The following LRRC28 variants were observed in gnomAD, a reference collection of about 807,000 sequenced individuals.
LRRC28 encodes leucine rich repeat containing 28, also known as leucine-rich repeat-containing protein 28.
Under a neutral mutation model 45.7 loss-of-function variants are expected in LRRC28, and 39 were observed. That is an observed-to-expected ratio of 0.85 (90% CI 0.66 to 1.12). LRRC28 has a LOEUF of 1.12. LRRC28 is among the 50% of genes most tolerant of loss of function. The pLI is 0.00. For missense variants in LRRC28, 435 were observed against 438.5 expected (o/e 0.99, Z 0.07); for synonymous variants, 206 against 178.8 (o/e 1.15, Z -1.22).
chr15:99,256,104 A>G lies in LRRC28; in HGVS notation c.147A>G (p.Lys49=). ...AGTACTTGGAGAGACTCTATATGAA[A>G]AGGAACTCCCTGACATCCTTGGTAC... ...GLQYLERLYM[K]RNSLTSLPEN... Residue 49 remains lysine (K), a synonymous_variant, in exon 2 of 10, where the codon AAA becomes AAG. Transcript: ENST00000301981. 2.5e-6 allele frequency: 4 copies of G among 1,610,948 alleles called. No individual in the cohort carries two copies. The highest frequency in any genetic ancestry group is 1.3e-5 in the African/African-American group (1 of 74,772).
At chr15:99,322,049 G>A (rs1017010938) in intron 5 of LRRC28, among the ~76,000 whole-genome samples, 3 of 152,166 alleles carry the variant, frequency 2.0e-5, no homozygotes, top group Non-Finnish European at 4.4e-5. Context: ...TTGGGAAGGA[G>A]CATTCCTGAC....
intron 2 of LRRC28, chr15:99,258,136 C>T (rs896395677): frequency 1.3e-5 from 21 of 1,609,644 alleles, no homozygotes; most frequent in African/African-American, 6.7e-5. Flanking sequence ...CTTGAACAAA[C>T]GAGTTTTTAA....
chr15:99,321,613 G>C (rs1955800377), intron 5 of LRRC28, among the ~76,000 whole-genome samples: 1 of 152,114 alleles, frequency 6.6e-6, no homozygotes, highest in Admixed American at 6.6e-5. Context: ...TTCCTCAAAA[G>C]TCCACAACTG....
intron 1 of LRRC28, among the ~76,000 whole-genome samples, chr15:99,253,921 C>T (rs1001969483): frequency 6.6e-6 from 1 of 152,230 alleles, no homozygotes; most frequent in Non-Finnish European, 1.5e-5. Flanking sequence ...TCATTCATGA[C>T]TTCCTGCTTC....
intron 5 of LRRC28, among the ~76,000 whole-genome samples, chr15:99,313,835 T>G (rs1297510446): frequency 1.3e-5 from 2 of 152,158 alleles, no homozygotes; most frequent in Non-Finnish European, 2.9e-5. Flanking sequence ...GAGGGTGCTC[T>G]CTCTGGTAGC....
chr15:99,307,987 C>T (rs78943897), intron 5 of LRRC28, among the ~76,000 whole-genome samples: 6 of 152,268 alleles, frequency 3.9e-5, no homozygotes, highest in South Asian at 2.1e-4. Context: ...AAAACTTAAA[C>T]GAGGCGCCGA....
At chr15:99,336,073 T>A (rs1350632918) in intron 6 of LRRC28, among the ~76,000 whole-genome samples, 2 of 152,212 alleles carry the variant, frequency 1.3e-5, no homozygotes, top group African/African-American at 4.8e-5. Context: ...AGACAATATA[T>A]GTAAAAAGGA....
intron 6 of LRRC28, among the ~76,000 whole-genome samples, chr15:99,345,340 C>T (rs1956645325): frequency 2.0e-5 from 3 of 152,122 alleles, no homozygotes; most frequent in African/African-American, 7.2e-5. Context: ...AGATCATTTG[C>T]ATTTTATCAA....
At chr15:99,312,554 AAAAT>A (rs1274804684) in intron 5 of LRRC28, among the ~76,000 whole-genome samples, 1 of 152,208 alleles carries the variant, frequency 6.6e-6, no homozygotes, top group Non-Finnish European at 1.5e-5. Flanking sequence ...AGTACACTCT[AAAAT>A]AAAAAGTATA....
intron 9 of LRRC28, among the ~76,000 whole-genome samples, chr15:99,379,832 T>C (rs1481732796): frequency 1.3e-5 from 2 of 152,262 alleles, no homozygotes; most frequent in Non-Finnish European, 2.9e-5. Context: ...TTGTTCAGTT[T>C]CCATGTAGTT....
rs1185087359 is a variant in LRRC28, at chr15:99,389,770, T to TCAAA, written c.*3673_*3676dup. 1 of 152,190 alleles carries TCAAA rather than the reference T, an allele frequency of 6.6e-6. No homozygotes were observed. Among genetic ancestry groups the TCAAA allele is most frequent in the South Asian group, 2.1e-4 (1 of 4,822 alleles). 9.4% of individuals were successfully genotyped at this position (152,190 alleles called of 1,614,324 possible). A position where few individuals can be genotyped will look rare whatever the true frequency, so the allele number is the denominator to read the frequency against. On this transcript the variant is annotated 3_prime_UTR_variant, in exon 10 of 10. Transcript: ENST00000301981. ...ACTCAGTGAATATCTTGCCTTTTCT[T>TCAAA]CAAACAAAGGGGGTTTTTATAAAGT...
At chr15:99,265,982 T>G (rs1287041081) in intron 2 of LRRC28, among the ~76,000 whole-genome samples, 3 of 152,192 alleles carry the variant, frequency 2.0e-5, no homozygotes, top group Non-Finnish European at 4.4e-5. Flanking sequence ...TAATTTTATT[T>G]TATAAATATG....
At chr15:99,285,184 A>T (rs1347864789) in intron 3 of LRRC28, 4 of 727,642 alleles carry the variant, frequency 5.5e-6, no homozygotes, top group Non-Finnish European at 1.0e-5. Flanking sequence ...GATTTCAATC[A>T]CTTCAATTTT....
chr15:99,333,735 A>T (rs922319506), intron 5 of LRRC28, 188 bp from the exon 6 acceptor site: 11 of 626,454 alleles, frequency 1.8e-5, no homozygotes, highest in Middle Eastern at 4.0e-4. Context: ...TTGGCAGGGT[A>T]ATTTAAAAAC....
At chr15:99,254,308 C>T (rs979128970) in intron 1 of LRRC28, among the ~76,000 whole-genome samples, 1 of 152,092 alleles carries the variant, frequency 6.6e-6, no homozygotes, top group Non-Finnish European at 1.5e-5. Flanking sequence ...TCATACTTTG[C>T]CTTTTTATAT....
In LRRC28 at chr15:99,251,514, C is replaced by G. The variant is rs12912422; in HGVS notation, c.-88C>G. 2 of 152,198 alleles carry G rather than the reference C, an allele frequency of 1.3e-5. No individual in the cohort carries two copies. The highest frequency in any genetic ancestry group is 4.8e-5 in the African/African-American group (2 of 41,404). The allele number at this position is 152,198 out of a possible 1,614,324, so 9.4% of individuals were successfully genotyped here. ...CTTGGCTTCCAGCGCCGCTTGCGCT[C>G]CGGAGCGCTGGCTCTGCTGGCGCTG... On this transcript the variant is annotated 5_prime_UTR_variant, in exon 1 of 10. Coordinates refer to ENST00000301981, the MANE Select transcript of LRRC28 (RefSeq NM_144598.5).
chr15:99,258,041 G>A (rs761126092), intron 2 of LRRC28: 23 of 1,267,184 alleles, frequency 1.8e-5, no homozygotes, highest in Admixed American at 3.4e-5. Flanking sequence ...GTGTGATAAG[G>A]TGAAGAACCT....
chr15:99,370,983 G>A (rs940113424), intron 9 of LRRC28, among the ~76,000 whole-genome samples: 1 of 152,128 alleles, frequency 6.6e-6, no homozygotes, highest in South Asian at 2.1e-4. Context: ...TATGCCAAGT[G>A]CCTGTAATCC....
chr15:99,281,788 G>A (rs2081799499), intron 3 of LRRC28, among the ~76,000 whole-genome samples: 1 of 152,126 alleles, frequency 6.6e-6, no homozygotes. Flanking sequence ...GGTTAGGTTA[G>A]CCCTATTACT....
Sources: allele counts gnomAD v4.1 joint callset (sites outside exome capture counted in the v4.1 genomes callset), GRCh38; gene constraint gnomAD v4.1.1; transcripts MANE v1.5; gene names NCBI Gene and HGNC (gene_info 2026-07-23, HGNC 2026-07-21).